The following ST7 variants were observed in gnomAD, a reference collection of about 807,000 sequenced individuals.
ST7 encodes the protein suppression of tumorigenicity 7.
In ST7, 28 loss-of-function variants were observed where a neutral mutation model predicts 78.7. That is an observed-to-expected ratio of 0.36 (90% CI 0.26 to 0.49). ST7 has a LOEUF of 0.49. Ranked by LOEUF, ST7 falls within the 20% of genes least tolerant of loss-of-function variation. ST7 has a pLI of 0.99. For synonymous variants in ST7, 247 were observed against 249.6 expected (o/e 0.99, Z 0.10); for missense variants, 418 against 696.0 (o/e 0.60, Z 4.49).
At chr7:117,027,037 C>T (rs1796217809) in intron 1 of ST7, among the ~76,000 whole-genome samples, 1 of 152,248 alleles carries the variant, frequency 6.6e-6, no homozygotes, top group African/African-American at 2.4e-5. Context: ...GCATCAGCCA[C>T]TAAAGGTTGG....
chr7:117,076,245 T>C (rs899203029), intron 1 of ST7, among the ~76,000 whole-genome samples: 2 of 152,180 alleles, frequency 1.3e-5, no homozygotes, highest in African/African-American at 2.4e-5. Flanking sequence ...ATTTAAAAAA[T>C]AGATTATAAA....
chr7:117,217,967 G>C (rs1792818106), intron 13 of ST7, among the ~76,000 whole-genome samples: 1 of 152,188 alleles, frequency 6.6e-6, no homozygotes, highest in Non-Finnish European at 1.5e-5. Flanking sequence ...GTGCACTGAT[G>C]CTGGTTACAA....
At chr7:117,136,574 T>C (rs1804808193) in intron 8 of ST7, 1 of 481,496 alleles carries the variant, frequency 2.1e-6, no homozygotes, top group African/African-American at 2.0e-5. Flanking sequence ...AAAACCCAGA[T>C]GGGAAACAGG....
intron 1 of ST7, among the ~76,000 whole-genome samples, chr7:117,099,276 C>G (rs2116792552): frequency 6.6e-6 from 1 of 152,030 alleles, no homozygotes; most frequent in South Asian, 2.1e-4. Context: ...GTCCTTCCTT[C>G]TTAGGGGTAA....
chr7:117,225,612 C>G (rs1793390868), intron 15 of ST7, among the ~76,000 whole-genome samples: 1 of 152,146 alleles, frequency 6.6e-6, no homozygotes, highest in African/African-American at 2.4e-5. Context: ...CACCCCACAC[C>G]CCGCAGGTTA....
chr7:117,187,175 TATCTA>T (rs1809340788), intron 10 of ST7, among the ~76,000 whole-genome samples: 1 of 152,164 alleles, frequency 6.6e-6, no homozygotes, highest in Non-Finnish European at 1.5e-5. Context: ...ACATTGAAAA[TATCTA>T]AATAAACCAG....
chr7:117,229,867 T>C lies in ST7; in HGVS notation c.*10T>C, dbSNP rs1793678449. On this transcript the variant is annotated 3_prime_UTR_variant, in exon 16 of 16. Coordinates refer to ENST00000323984, the MANE Select transcript of ST7 (RefSeq NM_001369598.1). ...GCTAACACGGATCTGAGAGAAGCCC[T>C]GTCCTCCACTCACCTCACCCGCCGC... is the stretch of plus-strand genomic sequence containing the variant. 6.2e-7 allele frequency: 1 copy of C among 1,610,914 alleles called. No individual in the cohort carries two copies. Among genetic ancestry groups the C allele is most frequent in the African/African-American group, 1.3e-5 (1 of 74,856 alleles).
chr7:116,998,835 A>C (rs1480372573), intron 1 of ST7, among the ~76,000 whole-genome samples: 1 of 152,180 alleles, frequency 6.6e-6, no homozygotes, highest in Non-Finnish European at 1.5e-5. Flanking sequence ...CATATATTGA[A>C]CTTAAGTGGT....
Position 117,170,908 on chromosome 7 carries a change from A to C in ST7, c.1010A>C (p.Asn337Thr), listed in dbSNP as rs1165737205. ...CTGAGTATGTTCAATATCCATGAAA[A>C]CCTTTTAGAAGCCCTTCTGGAACTA... Reference protein sequence around the residue: ...PLLSMFNIHENLLEALLELQA... With the variant: ...PLLSMFNIHETLLEALLELQA... The change falls in exon 10 of 16, where the codon AAC (asparagine) becomes ACC (threonine). Residue 337 changes from asparagine (N) to threonine (T), a missense_variant. Around this residue, in one of 4 missense-constraint regions of ST7, gnomAD observed 288 missense variants for 537.1 expected, o/e 0.54. Transcript: ENST00000323984. The C allele has an allele frequency of 1.2e-5, 19 of 1,612,280 alleles. No individual in the cohort carries two copies. Among genetic ancestry groups the C allele is most frequent in the Non-Finnish European group, 1.6e-5 (19 of 1,179,052 alleles).
At chr7:117,020,477 T>C (rs1159914427) in intron 1 of ST7, 14 of 1,091,974 alleles carry the variant, frequency 1.3e-5, no homozygotes, top group Non-Finnish European at 1.8e-5. Context: ...CTGCATTGTC[T>C]GGCTTCATGA....
intron 1 of ST7, among the ~76,000 whole-genome samples, chr7:117,002,061 C>T (rs1334062486): frequency 6.6e-6 from 1 of 151,928 alleles, no homozygotes; most frequent in Non-Finnish European, 1.5e-5. Flanking sequence ...CCCATCTCTA[C>T]TAAAAATACA....
intron 1 of ST7, among the ~76,000 whole-genome samples, chr7:117,095,747 G>A (rs966489438): frequency 6.6e-6 from 1 of 152,140 alleles, no homozygotes; most frequent in Non-Finnish European, 1.5e-5. Flanking sequence ...AACAAGTATG[G>A]AGGTGACCTT....
chr7:116,998,528 G>A (rs1794785564), intron 1 of ST7, among the ~76,000 whole-genome samples: 2 of 152,256 alleles, frequency 1.3e-5, no homozygotes, highest in Admixed American at 1.3e-4. Flanking sequence ...GTGAGCAAGG[G>A]CTGCGAGGGC....
At chr7:117,047,026 A>G (rs1239461521) in intron 1 of ST7, among the ~76,000 whole-genome samples, 1 of 152,222 alleles carries the variant, frequency 6.6e-6, no homozygotes, top group Non-Finnish European at 1.5e-5. Context: ...AACATTAAGT[A>G]AATATATATA....
rs181606801 is a variant in ST7, at chr7:117,185,855, G to A, written c.1079-3466G>A. On this transcript the variant is annotated intron_variant, in intron 10 of 15. Transcript: ENST00000323984. ...GGAGAATCGCTTGAACCCAAGAGGC[G>A]GAGGTTGCAGTTAGCTGAGATCGTG... is the stretch of plus-strand genomic sequence containing the variant. Among the ~76,000 whole-genome samples, 478 of 152,244 alleles carry A rather than the reference G, an allele frequency of 3.1e-3. 6 individuals are homozygous for A. The highest frequency in any genetic ancestry group is 0.011 in the African/African-American group (440 of 41,532).
intron 9 of ST7, chr7:117,145,753 C>T (rs1241868875): frequency 6.6e-6 from 1 of 152,084 alleles, no homozygotes; most frequent in Non-Finnish European, 1.5e-5. Context: ...ATAATTTAAC[C>T]CACAATAGCA....
At chr7:117,013,857 G>A (rs925019742) in intron 1 of ST7, among the ~76,000 whole-genome samples, 1 of 152,096 alleles carries the variant, frequency 6.6e-6, no homozygotes, top group Non-Finnish European at 1.5e-5. Context: ...AAGTAAATAA[G>A]TAAATAAAAT....
At chr7:117,130,841 G>A (rs192089992) in intron 5 of ST7, among the ~76,000 whole-genome samples, 12 of 151,840 alleles carry the variant, frequency 7.9e-5, no homozygotes, top group Admixed American at 5.3e-4. Context: ...AAAATATATC[G>A]AAGTTGGTTT....
At chr7:117,070,157 A>T (rs1325190116) in intron 1 of ST7, among the ~76,000 whole-genome samples, 2 of 152,170 alleles carry the variant, frequency 1.3e-5, no homozygotes, top group East Asian at 1.9e-4. Flanking sequence ...AACTTTCAGG[A>T]CATTTGGTGA....
Sources: allele counts gnomAD v4.1 joint callset (sites outside exome capture counted in the v4.1 genomes callset), GRCh38; gene constraint gnomAD v4.1.1; regional missense constraint gnomAD v4.1.1; transcripts MANE v1.5; gene names NCBI Gene and HGNC (gene_info 2026-07-23, HGNC 2026-07-21).